The following NETO2 variants were observed in gnomAD, a reference collection of about 807,000 sequenced individuals.
The protein encoded by NETO2 is neuropilin and tolloid like 2.
In NETO2, 28 loss-of-function variants were observed where a neutral mutation model predicts 62.5. That is an observed-to-expected ratio of 0.45 (90% CI 0.33 to 0.61). NETO2 has a LOEUF of 0.61. Among genes scored for constraint, NETO2 ranks in the 20% least tolerant of loss-of-function variants. The pLI is 0.02. For synonymous variants in NETO2, 214 were observed against 219.1 expected, an observed-to-expected ratio of 0.98 and a Z score of 0.21; for missense variants, 548 against 643.2, an observed-to-expected ratio of 0.85 and a Z score of 1.60.
chr16:47,124,728 G>A lies in NETO2; in HGVS notation c.482-1816C>T, dbSNP rs1964119482. Among the ~76,000 whole-genome samples, 6 of 152,236 alleles carry A rather than the reference G, an allele frequency of 3.9e-5. No individual in the cohort carries two copies. In the South Asian group the frequency reaches 1.2e-3, roughly 32 times the overall value. On this transcript the variant is annotated intron_variant, in intron 4 of 8. Transcript: ENST00000562435. The stretch of plus-strand genomic sequence containing the variant: ...CCTAGTGAAATGCAATCTAGTCCTG[G>A]ATTTGCCATTCTATGAACCAAGAAA...
At chr16:47,092,617 T>C (rs149069937) in intron 7 of NETO2, among the ~76,000 whole-genome samples, 1 of 152,302 alleles carries the variant, frequency 6.6e-6, no homozygotes, top group Non-Finnish European at 1.5e-5. Context: ...TAAAAGCCTT[T>C]CTTGTTAGCT....
chr16:47,132,202 T>A (rs547953994), intron 1 of NETO2, among the ~76,000 whole-genome samples, 177 bp from the exon 2 acceptor site: 1 of 152,236 alleles, frequency 6.6e-6, no homozygotes, highest in African/African-American at 2.4e-5. Context: ...TACCTAACCC[T>A]TAAGATAACC....
intron 1 of NETO2, among the ~76,000 whole-genome samples, chr16:47,134,898 A>G (rs1964337643): frequency 6.6e-6 from 1 of 152,244 alleles, no homozygotes; most frequent in Admixed American, 6.5e-5. Context: ...TGCAAGGCCA[A>G]ATAGCCTATT....
At chr16:47,109,751 T>A in intron 6 of NETO2, 40 bp from the exon 7 acceptor site, 1 of 1,397,710 alleles carries the variant, frequency 7.2e-7, no homozygotes, top group Admixed American at 1.8e-5. Flanking sequence ...TAAAAAGATA[T>A]ATTAATTTGA....
At chr16:47,086,164 T>G in intron 8 of NETO2, 62 bp downstream of exon 8, 3 of 924,200 alleles carry the variant, frequency 3.2e-6, no homozygotes, top group Non-Finnish European at 3.6e-6. Flanking sequence ...ACATTTTAAG[T>G]TCTTAATGAA....
At chr16:47,098,257 T>C (rs1032526036) in intron 7 of NETO2, among the ~76,000 whole-genome samples, 1 of 152,130 alleles carries the variant, frequency 6.6e-6, no homozygotes, top group Admixed American at 6.6e-5. Context: ...TCTAACCCAA[T>C]GCAAGGAAGC....
In NETO2 at chr16:47,082,423, A is replaced by T. The variant is rs547521788; in HGVS notation, c.*798T>A. 2.9e-4 allele frequency: 44 copies of T among 152,380 alleles called. No individual in the cohort carries two copies. Among genetic ancestry groups the T allele is most frequent in the African/African-American group, 1.1e-3 (44 of 41,600 alleles). 9.4% of individuals were successfully genotyped at this position (152,380 alleles called of 1,614,324 possible). ...TCACTGAATGTGACTATACTTGGTAAACTTCAAAGGCTTGCTAGAAATTTT... is the reference window on the plus strand; with the variant it reads ...TCACTGAATGTGACTATACTTGGTATACTTCAAAGGCTTGCTAGAAATTTT... On this transcript the variant is annotated 3_prime_UTR_variant, in exon 9 of 9. Coordinates refer to ENST00000562435, the MANE Select transcript of NETO2 (RefSeq NM_018092.5).
At chr16:47,134,368 C>G (rs988822112) in intron 1 of NETO2, among the ~76,000 whole-genome samples, 1 of 152,026 alleles carries the variant, frequency 6.6e-6, no homozygotes, top group Non-Finnish European at 1.5e-5. Context: ...GAAGATCTCA[C>G]GTTATGCTGA....
intron 7 of NETO2, among the ~76,000 whole-genome samples, chr16:47,104,833 C>T (rs1963636255): frequency 6.6e-6 from 1 of 152,102 alleles, no homozygotes; most frequent in Admixed American, 6.5e-5. Flanking sequence ...GACTGTCCTG[C>T]CTCAGCCTCC....
At chr16:47,141,829 T>G (rs1964465997) in intron 1 of NETO2, among the ~76,000 whole-genome samples, 2 of 152,146 alleles carry the variant, frequency 1.3e-5, no homozygotes, top group Non-Finnish European at 2.9e-5. Flanking sequence ...TCCTGAAAGG[T>G]ACAACACTCA....
chr16:47,121,494 G>C (rs1205518545), intron 6 of NETO2, among the ~76,000 whole-genome samples: 1 of 152,166 alleles, frequency 6.6e-6, no homozygotes, highest in African/African-American at 2.4e-5. Context: ...AATAAAGGCA[G>C]GGTTTCTAAG....
rs907936020 is a variant in NETO2 at position 47,082,971 on chromosome 16, G to C, written c.*250C>G. Reference sequence around the variant, plus strand: ...CTCTTCTAATGCTCTTTAACTGGCAGTGCTTCCTATAAATGACACCAAGCA... The same window carrying C: ...CTCTTCTAATGCTCTTTAACTGGCACTGCTTCCTATAAATGACACCAAGCA... On this transcript the variant is annotated 3_prime_UTR_variant, in exon 9 of 9. Transcript: ENST00000562435. 4 of 392,312 alleles carry C rather than the reference G, an allele frequency of 1.0e-5. No homozygotes were observed. The highest frequency in any genetic ancestry group is 1.8e-5 in the Non-Finnish European group (4 of 221,212). 24.3% of individuals were successfully genotyped at this position (392,312 alleles called of 1,614,324 possible).
chr16:47,111,931 T>C (rs1187451959), intron 6 of NETO2, among the ~76,000 whole-genome samples: 1 of 152,188 alleles, frequency 6.6e-6, no homozygotes, highest in Non-Finnish European at 1.5e-5. Context: ...GGAAAAGGGA[T>C]GCTATTTATT....
intron 7 of NETO2, among the ~76,000 whole-genome samples, chr16:47,107,763 G>A (rs1034724455): frequency 2.6e-5 from 4 of 152,158 alleles, no homozygotes; most frequent in Non-Finnish European, 5.9e-5. Context: ...ACAAAATAGT[G>A]TTAGTATCAT....
chr16:47,140,198 C>A (rs1964434614), intron 1 of NETO2, among the ~76,000 whole-genome samples: 2 of 152,066 alleles, frequency 1.3e-5, no homozygotes, highest in Non-Finnish European at 2.9e-5. Flanking sequence ...TTTTCAAGTG[C>A]TTCCTCACAA....
chr16:47,143,488 C>T (rs1015634457), intron 1 of NETO2, 91 bp downstream of exon 1: 4 of 1,198,658 alleles, frequency 3.3e-6, no homozygotes, highest in African/African-American at 1.6e-5. Flanking sequence ...GGGTCCCGGG[C>T]GCGGGTAAGG....
Position 47,083,226 on chromosome 16 carries a change from A to T in NETO2, c.1573T>A (p.Phe525Ile). 6.2e-7 allele frequency: 1 copy of T among 1,606,470 alleles called. No individual in the cohort carries two copies. The highest frequency in any genetic ancestry group is 1.7e-4 in the Middle Eastern group (1 of 6,034). ...DSAQASISID[F>I] is the part of the protein sequence containing the mutation. ...ACATCACCATTAGCAGAAGATTAGA[A>T]GTCAATGGATATGGATGCTTGTGCA... is the stretch of plus-strand genomic sequence containing the variant. Residue 525 changes from phenylalanine (F) to isoleucine (I), a missense_variant, in exon 9 of 9, where the codon TTC becomes ATC. Phe to Ile is a conservative substitution (Grantham distance 21). Transcript: ENST00000562435.
chr16:47,105,412 A>G (rs1254666351), intron 7 of NETO2, among the ~76,000 whole-genome samples: 1 of 152,236 alleles, frequency 6.6e-6, no homozygotes, highest in Non-Finnish European at 1.5e-5. Context: ...ACATATGAGA[A>G]AAGCTTCATG....
intron 6 of NETO2, among the ~76,000 whole-genome samples, chr16:47,120,304 T>C (rs1297323446): frequency 6.6e-6 from 1 of 152,238 alleles, no homozygotes; most frequent in Non-Finnish European, 1.5e-5. Flanking sequence ...ATTTGGATTT[T>C]AACTGTAGCA....
Sources: allele counts gnomAD v4.1 joint callset (sites outside exome capture counted in the v4.1 genomes callset), GRCh38; gene constraint gnomAD v4.1.1; transcripts MANE v1.5; gene names NCBI Gene and HGNC (gene_info 2026-07-23, HGNC 2026-07-21).